Variants in NDUFA10 observed in about 807,000 individuals in gnomAD.
NDUFA10 encodes the protein NADH:ubiquinone oxidoreductase subunit A10, also known as NADH dehydrogenase [ubiquinone] 1 alpha subcomplex subunit 10, mitochondrial.
NDUFA10 carries 40 observed loss-of-function variants against 47.8 expected under a neutral mutation model. That is an observed-to-expected ratio of 0.84 (90% confidence interval 0.65 to 1.09). NDUFA10 has a LOEUF of 1.09. Among genes scored for constraint, NDUFA10 ranks in the 50% least tolerant of loss-of-function variants. NDUFA10 has a pLI of 0.00. For synonymous variants in NDUFA10, 183 were observed against 172.2 expected, an observed-to-expected ratio of 1.06 and a Z score of -0.49; for missense variants, 413 against 451.1, an observed-to-expected ratio of 0.92 and a Z score of 0.76.
intron 4 of NDUFA10, among the ~76,000 whole-genome samples, chr2:239,921,257 TCTCA>T (rs1381577222): frequency 7.1e-6 from 1 of 140,152 alleles, no homozygotes; most frequent in Non-Finnish European, 1.6e-5. Context: ...AGGTTTGTGG[TCTCA>T]CTGACTTCAA....
chr2:239,900,593 AT>A (rs1693526709), intron 4 of NDUFA10, among the ~76,000 whole-genome samples: 1 of 134,526 alleles, frequency 7.4e-6, no homozygotes, highest in Non-Finnish European at 1.6e-5. Context: ...AAAAAAACCC[AT>A]GTGTGTGGGC....
chr2:239,916,052 AC>A lies in NDUFA10; in HGVS notation c.295-20739del, dbSNP rs1693868190. Among the ~76,000 whole-genome samples, 4 of 109,790 alleles carry A rather than the reference AC, an allele frequency of 3.6e-5. No homozygotes were observed. In the South Asian group the frequency reaches 8.5e-4, roughly 23 times the overall value. 72.0% of individuals were successfully genotyped at this position (109,790 alleles called of 152,430 possible). A position where few individuals can be genotyped will look rare whatever the true frequency, so the allele number is the denominator to read the frequency against. ...CACACAGAGATACTCACACAAACATACACACACACATACATACTCAGACACA... is the reference window on the plus strand; with the variant it reads ...CACACAGAGATACTCACACAAACATAACACACACATACATACTCAGACACA... On this transcript the variant is annotated intron_variant, in intron 4 of 5. Transcript: ENST00000419408.
intron 4 of NDUFA10, among the ~76,000 whole-genome samples, chr2:239,936,419 G>A (rs993736138): frequency 5.9e-5 from 9 of 152,222 alleles, no homozygotes; most frequent in Admixed American, 2.0e-4. Flanking sequence ...GCTGCTCTGC[G>A]TGACACTGAA....
downstream of NDUFA10, chr2:239,957,223 C>G (rs969018211): frequency 6.6e-6 from 1 of 152,266 alleles, no homozygotes; most frequent in Non-Finnish European, 1.5e-5. Flanking sequence ...CTCACTGCCA[C>G]GTGTCCAGCG....
intron 4 of NDUFA10, among the ~76,000 whole-genome samples, chr2:239,924,767 T>C (rs1273913596): frequency 6.6e-6 from 1 of 152,016 alleles, no homozygotes; most frequent in Non-Finnish European, 1.5e-5. Context: ...AAAGAAAAAC[T>C]CTTCTTATTT....
chr2:239,934,740 G>A (rs766183522), intron 4 of NDUFA10, among the ~76,000 whole-genome samples: 1 of 152,188 alleles, frequency 6.6e-6, no homozygotes, highest in African/African-American at 2.4e-5. Flanking sequence ...AGGTCTCAGC[G>A]CAGCGTTCTC....
At chr2:239,944,974 C>T (rs764597751) in intron 4 of NDUFA10, among the ~76,000 whole-genome samples, 13 of 152,102 alleles carry the variant, frequency 8.5e-5, no homozygotes, top group Admixed American at 2.0e-4. Context: ...CATCTCCAGA[C>T]ACAGCCATGG....
chr2:240,017,923 G>A lies in NDUFA10; in HGVS notation c.547+630C>T, dbSNP rs376470335. On this transcript the variant is annotated intron_variant, in intron 4 of 9. Transcript: ENST00000252711. ...ACCCCAGTCTACAGATGAAAATGCC[G>A]TCAGTCAGACTGTCCACCAGGCCTA... The A allele has an allele frequency of 6.1e-5, 94 of 1,550,312 alleles. No homozygotes were observed. The Middle Eastern group carries it at 2.0e-3, about 33-fold the overall frequency.
chr2:239,906,128 G>A lies in NDUFA10; in HGVS notation c.295-10814C>T, dbSNP rs907643137. Among the ~76,000 whole-genome samples, 11 of 152,242 alleles carry A rather than the reference G, an allele frequency of 7.2e-5. No homozygotes were observed. Among genetic ancestry groups the A allele is most frequent in the Non-Finnish European group, 1.6e-4 (11 of 67,998 alleles). ...GTGTGCTGAGCTCATGACCTTCGGG[G>A]GCTCTGGGCGGGCCCTGCTCTGTGC... On this transcript the variant is annotated intron_variant, in intron 4 of 5. Coordinates refer to the NDUFA10 transcript ENST00000419408. This position sits in a 1 kb window ranked among gnomAD's most constrained non-coding sequence, Gnocchi z 4.3.
downstream of NDUFA10, among the ~76,000 whole-genome samples, chr2:239,955,428 A>G (rs1374176688): frequency 6.6e-6 from 1 of 152,156 alleles, no homozygotes; most frequent in Non-Finnish European, 1.5e-5. Flanking sequence ...TGTTGTTCTG[A>G]GCTAAGAGCT....
At chr2:239,894,045 C>T (rs147036352) in intron 5 of NDUFA10, among the ~76,000 whole-genome samples, 16,666 of 141,336 alleles carry the variant, frequency 0.12, 923 homozygotes, top group South Asian at 0.16. Context: ...ATCCTCAACT[C>T]CATCATCCCA....
At chr2:239,969,532 G>A in intron 9 of NDUFA10, 2 of 395,178 alleles carry the variant, frequency 5.1e-6, no homozygotes, top group Non-Finnish European at 5.1e-6. Context: ...TCTGGTGCCA[G>A]CTGTTCCTGT....
intron 9 of NDUFA10, among the ~76,000 whole-genome samples, chr2:239,965,122 T>C (rs776512874): frequency 5.9e-5 from 9 of 152,166 alleles, no homozygotes; most frequent in Non-Finnish European, 1.3e-4. Flanking sequence ...GAATTTTAAA[T>C]CAGAGCAGAT....
intron 4 of NDUFA10, among the ~76,000 whole-genome samples, chr2:239,922,636 G>A (rs532072411): frequency 7.2e-5 from 11 of 152,316 alleles, no homozygotes; most frequent in East Asian, 1.9e-4. Flanking sequence ...ACTTTTCTAC[G>A]CCACAATGCC....
chr2:239,914,856 CAGAG>C (rs1157553558), intron 4 of NDUFA10, among the ~76,000 whole-genome samples: 3 of 145,916 alleles, frequency 2.1e-5, no homozygotes, highest in Non-Finnish European at 3.0e-5. Context: ...CAGACACACA[CAGAG>C]AGACATACAG....
intron 4 of NDUFA10, among the ~76,000 whole-genome samples, chr2:239,923,971 G>T (rs1287859380): frequency 4.7e-4 from 72 of 152,030 alleles, no homozygotes; most frequent in Non-Finnish European, 1.2e-4. Context: ...AAACATTACT[G>T]CACACATAAA....
intron 8 of NDUFA10, among the ~76,000 whole-genome samples, chr2:240,003,096 C>T (rs1315063516): frequency 6.6e-6 from 1 of 152,194 alleles, no homozygotes; most frequent in Non-Finnish European, 1.5e-5. Flanking sequence ...GCAATCCTCC[C>T]ACTTGAGCTT....
intron 4 of NDUFA10, among the ~76,000 whole-genome samples, chr2:239,903,021 G>A (rs994079110): frequency 1.4e-4 from 21 of 152,220 alleles, no homozygotes; most frequent in African/African-American, 4.8e-4. Context: ...CTGTTTCACA[G>A]ACGTGGAAAG....
intron 4 of NDUFA10, among the ~76,000 whole-genome samples, chr2:239,909,503 C>T (rs942523705): frequency 8.5e-5 from 13 of 152,100 alleles, no homozygotes; most frequent in African/African-American, 2.2e-4. Flanking sequence ...ATCCCAGCTA[C>T]GCAGGAGGCT....
Sources: allele counts gnomAD v4.1 joint callset (sites outside exome capture counted in the v4.1 genomes callset), GRCh38; gene constraint gnomAD v4.1.1; non-coding constraint Gnocchi (gnomAD v3.1); transcripts MANE v1.5; gene names NCBI Gene and HGNC (gene_info 2026-07-23, HGNC 2026-07-21).